The following SLC25A22 variants were observed in gnomAD, a reference collection of about 807,000 sequenced individuals.
SLC25A22 encodes solute carrier family 25 member 22.
SLC25A22 carries 23 observed loss-of-function variants against 33.7 expected under a neutral mutation model. The ratio of observed to expected loss-of-function variants is 0.68; its 90% CI spans 0.49 to 0.97. The LOEUF is 0.97. SLC25A22 is among the 50% of genes least tolerant of loss of function. The pLI is 0.00. For missense variants in SLC25A22, 390 were observed against 451.1 expected, an observed-to-expected ratio of 0.86 and a Z score of 1.23; for synonymous variants, 245 against 203.8, an observed-to-expected ratio of 1.20 and a Z score of -1.72.
Position 792,737 on chromosome 11 carries a change from A to T in SLC25A22, c.413-10T>A. ...ATCTTCCTCTGGGCGGCTGGGGACA[A>T]AGAGGCTGCTGTCTCCTCTTCTGTG... On this transcript the variant is annotated splice_polypyrimidine_tract_variant and intron_variant, in intron 6 of 9. Transcript: ENST00000628067. The T allele has an allele frequency of 3.9e-6, 6 of 1,545,100 alleles. No individual in the cohort carries two copies. Among genetic ancestry groups the T allele is most frequent in the Non-Finnish European group, 5.2e-6 (6 of 1,149,840 alleles).
chr11:794,744 G>A (rs971594387), intron 3 of SLC25A22, 32 bp downstream of exon 3: 2 of 1,589,314 alleles, frequency 1.3e-6, no homozygotes, highest in Non-Finnish European at 1.7e-6. Flanking sequence ...CACATGCTGG[G>A]CCCACTCCCC....
intron 1 of SLC25A22, among the ~76,000 whole-genome samples, chr11:796,740 C>G (rs1590125743): frequency 6.6e-6 from 1 of 152,200 alleles, no homozygotes; most frequent in Non-Finnish European, 1.5e-5. Context: ...GAAGAGCTAG[C>G]TGGGTGCCAG....
At position 792,558 on chromosome 11, in the gene SLC25A22, C is replaced by T; in HGVS notation, c.582G>A (p.Leu194=). 6.2e-7 allele frequency: 1 copy of T among 1,612,326 alleles called. No individual in the cohort carries two copies. The highest frequency in any genetic ancestry group is 8.5e-7 in the Non-Finnish European group (1 of 1,179,802). ...ACCTGCCCTGTGCCTCCTACCTGAG[C>T]AGCGTGGCCCCGAGTCCCTTGTAGA... ...AGLYKGLGAT[L]LRDVPFSVVY... Residue 194 remains leucine, a synonymous_variant, in exon 7 of 10, where the codon CTG becomes CTA. Transcript: ENST00000628067.
At chr11:798,086 C>G (rs189558877) in intron 1 of SLC25A22, 131 bp downstream of exon 1, 24 of 398,188 alleles carry the variant, frequency 6.0e-5, no homozygotes, top group South Asian at 1.3e-4. Flanking sequence ...CCAGGACCCC[C>G]CCTCCCGCCC....
chr11:795,247 C>T (rs1179060261), intron 1 of SLC25A22, 78 bp from the exon 2 acceptor site: 8 of 646,618 alleles, frequency 1.2e-5, no homozygotes, highest in East Asian at 2.8e-5. Flanking sequence ...CCCTCTCTCA[C>T]GCAGCCCCTC....
intron 1 of SLC25A22, chr11:795,747 C>G (rs1262143230): frequency 6.2e-6 from 1 of 160,334 alleles, no homozygotes; most frequent in Non-Finnish European, 1.4e-5. Flanking sequence ...AGCCCCTTGC[C>G]CGCCCCTTCC....
Position 792,619 on chromosome 11 carries a change from G to A in SLC25A22, c.521C>T (p.Thr174Ile), listed in dbSNP as rs773623968. Residue 174 changes from threonine (T) to isoleucine (I), a missense_variant, in exon 7 of 10, where the codon ACC becomes ATC. Coordinates refer to ENST00000628067, the MANE Select transcript of SLC25A22 (RefSeq NM_001191061.2). Reference protein sequence around the residue: ...AAPRPTATQLTRDLLRSRGIA... With the variant: ...AAPRPTATQLIRDLLRSRGIA... ...GCCACGGCTCCGCAGCAGGTCGCGG[G>A]TCAGCTGGGTGGCCGTGGGCCGAGG... 1.9e-6 allele frequency: 3 copies of A among 1,604,260 alleles called. No homozygotes were observed. Among genetic ancestry groups the A allele is most frequent in the African/African-American group, 2.7e-5 (2 of 74,808 alleles).
At position 793,571 on chromosome 11, in the gene SLC25A22, A is replaced by C. The variant is rs772950759; in HGVS notation, c.251T>G (p.Leu84Arg). ...ATGTCGGAAGAAGTCGTTGGCTGCC[A>C]GCTTGATGGCCTTCTCGGGGGTGAC... ...TLVTPEKAIK[L>R]AANDFFRHQL... is the part of the protein sequence containing the mutation. Residue 84 changes from leucine to arginine, a missense_variant, in exon 5 of 10, where the codon CTG becomes CGG. Leu to Arg is a moderately radical substitution (Grantham distance 102, BLOSUM62 -2). Transcript: ENST00000628067. 4 of 1,612,286 alleles carry C rather than the reference A, an allele frequency of 2.5e-6. No individual in the cohort carries two copies. The highest frequency in any genetic ancestry group is 3.4e-6 in the Non-Finnish European group (4 of 1,179,874).
At chr11:796,575 A>G (rs1009228242) in intron 1 of SLC25A22, among the ~76,000 whole-genome samples, 1 of 152,178 alleles carries the variant, frequency 6.6e-6, no homozygotes, top group East Asian at 1.9e-4. Context: ...TCTCCGGGCC[A>G]GGGTACCCTG....
rs529455340 is a variant in SLC25A22 at position 795,203 on chromosome 11, T to C, written c.-163-34A>G. 9.8e-6 allele frequency: 7 copies of C among 716,518 alleles called. No individual in the cohort carries two copies. In the African/African-American group the frequency reaches 1.0e-4, roughly 11 times the overall value. 44.4% of individuals were successfully genotyped at this position (716,518 alleles called of 1,614,324 possible). ...ATGAGGGAATGGGAATGAGTGAGGGTGGGGCCACCCGAAGAGTAATCCTCC... is the reference window on the plus strand; with the variant it reads ...ATGAGGGAATGGGAATGAGTGAGGGCGGGGCCACCCGAAGAGTAATCCTCC... On this transcript the variant is annotated intron_variant, in intron 1 of 9. Transcript: ENST00000628067.
chr11:795,119 G>T lies in SLC25A22; in HGVS notation c.-113C>A. Reference sequence around the variant, plus strand: ...GGGTGGGACCCAGGGGGGTTGGGTGGTGCTCCACCTTCAGGGGAATTTCCA... The same window carrying T: ...GGGTGGGACCCAGGGGGGTTGGGTGTTGCTCCACCTTCAGGGGAATTTCCA... On this transcript the variant is annotated 5_prime_UTR_variant, in exon 2 of 10. Coordinates refer to ENST00000628067, the MANE Select transcript of SLC25A22 (RefSeq NM_001191061.2). 1 of 1,305,438 alleles carries T rather than the reference G, an allele frequency of 7.7e-7. No individual in the cohort carries two copies. Among genetic ancestry groups the T allele is most frequent in the Non-Finnish European group, 1.1e-6 (1 of 935,204 alleles). The allele number at this position is 1,305,438 out of a possible 1,614,324, so 80.9% of individuals were successfully genotyped here.
At position 791,984 on chromosome 11, in the gene SLC25A22, G is replaced by C. The variant is rs564026448; in HGVS notation, c.903C>G (p.Ile301Met). Residue 301 changes from isoleucine to methionine, a missense_variant, in exon 10 of 10, where the codon ATC (isoleucine) becomes ATG (methionine). By Grantham distance (10) the Ile-to-Met change is conservative. Transcript: ENST00000628067. ...TGCCCAGGAAGTAGACCACCTGTGC[G>C]ATGCCGAAAAGGGGCGCGATGACCA... ...RALVIAPLFGIAQVVYFLGIA... is the reference protein window; with the variant it reads ...RALVIAPLFGMAQVVYFLGIA... The C allele has an allele frequency of 6.2e-7, 1 of 1,609,346 alleles. No individual in the cohort carries two copies. The highest frequency in any genetic ancestry group is 1.3e-5 in the African/African-American group (1 of 74,868).
chr11:794,886 G>A lies in SLC25A22; in HGVS notation c.36C>T (p.Leu12=), dbSNP rs1172103007. The A allele has an allele frequency of 1.3e-6, 2 of 1,566,134 alleles. No individual in the cohort carries two copies. Among genetic ancestry groups the A allele is most frequent in the South Asian group, 2.3e-5 (2 of 85,170 alleles). ...ADKQISLPAK[L]INGGIAGLIG... is the part of the protein sequence containing the mutation. The stretch of plus-strand genomic sequence containing the variant: ...TCAGCCCGGCGATGCCGCCATTGAT[G>A]AGCTTGGCTGGCAGGCTGTGTGGAC... Residue 12 remains leucine, a synonymous_variant, in exon 3 of 10, where the codon CTC becomes CTT. Transcript: ENST00000628067.
At chr11:797,178 G>A (rs1306693227) in intron 1 of SLC25A22, among the ~76,000 whole-genome samples, 1 of 152,214 alleles carries the variant, frequency 6.6e-6, no homozygotes, top group African/African-American at 2.4e-5. Flanking sequence ...GTCCCAAGAA[G>A]AGAAGCAGGC....
chr11:793,406 A>T, intron 5 of SLC25A22, 123 bp downstream of exon 5: 1 of 901,940 alleles, frequency 1.1e-6, no homozygotes, highest in Non-Finnish European at 1.8e-6. Flanking sequence ...ACGAGGTCAA[A>T]GAAGCCCCAA....
rs754046647 is a variant in SLC25A22, at chr11:792,539, C to T, written c.587+14G>A. ...CTCCCCCTTCCCTCCCCCCACCTGCCCTGTGCCTCCTACCTGAGCAGCGTG... is the reference window on the plus strand; with the variant it reads ...CTCCCCCTTCCCTCCCCCCACCTGCTCTGTGCCTCCTACCTGAGCAGCGTG... On this transcript the variant is annotated intron_variant, in intron 7 of 9. Coordinates refer to ENST00000628067, the MANE Select transcript of SLC25A22 (RefSeq NM_001191061.2). 61 of 1,612,328 alleles carry T rather than the reference C, an allele frequency of 3.8e-5. No individual in the cohort carries two copies. Among genetic ancestry groups the T allele is most frequent in the Non-Finnish European group, 5.2e-5 (61 of 1,179,744 alleles).
chr11:790,549 G>A lies in SLC25A22; in HGVS notation c.*1366C>T, dbSNP rs1276724863. On this transcript the variant is annotated 3_prime_UTR_variant, in exon 10 of 10. Transcript: ENST00000628067. Reference sequence around the variant, plus strand: ...TACAACTTCTTAAAACTCTTCAAAAGAAAAAAATATAATTCTGTAAGCAGC... The same window carrying A: ...TACAACTTCTTAAAACTCTTCAAAAAAAAAAAATATAATTCTGTAAGCAGC... 6.6e-6 allele frequency: 1 copy of A among 151,826 alleles called. No individual in the cohort carries two copies. Among genetic ancestry groups the A allele is most frequent in the Non-Finnish European group, 1.5e-5 (1 of 67,974 alleles). The allele number at this position is 151,826 out of a possible 1,614,324, so 9.4% of individuals were successfully genotyped here.
rs1196907695 is a variant in SLC25A22 at position 795,464 on chromosome 11, GC to G, written c.-163-296del. The G allele has an allele frequency of 1.8e-5, 6 of 341,458 alleles. 1 individual carries two copies. The highest frequency in any genetic ancestry group is 2.1e-3 in the Middle Eastern group (2 of 938). The allele number at this position is 341,458 out of a possible 1,614,324, so 21.2% of individuals were successfully genotyped here. The stretch of plus-strand genomic sequence containing the variant: ...CCCAGCCAGCTCCGGCTTTTAAAGG[GC>G]CAGGCACCTCTGGGGGCAGTGCCAG... On this transcript the variant is annotated intron_variant, in intron 1 of 9. Coordinates refer to ENST00000628067, the MANE Select transcript of SLC25A22 (RefSeq NM_001191061.2).
Position 792,453 on chromosome 11 carries a change from A to C in SLC25A22, c.593T>G (p.Val198Gly). 4 of 1,613,244 alleles carry C rather than the reference A, an allele frequency of 2.5e-6. No individual in the cohort carries two copies. The highest frequency in any genetic ancestry group is 3.4e-6 in the Non-Finnish European group (4 of 1,179,914). The change falls in exon 8 of 10, where the codon GTC (valine) becomes GGC (glycine). Residue 198 changes from valine (V) to glycine (G), a missense_variant. Transcript: ENST00000628067. ...CGGGAAGTACACCACAGAGAAGGGG[A>C]CATCCCTGTGGGGAGGGAGGTGGCC... ...KGLGATLLRD[V>G]PFSVVYFPLF...
Sources: allele counts gnomAD v4.1 joint callset (sites outside exome capture counted in the v4.1 genomes callset), GRCh38; gene constraint gnomAD v4.1.1; transcripts MANE v1.5; gene names NCBI Gene and HGNC (gene_info 2026-07-23, HGNC 2026-07-21).